The following PIP5KL1 variants were observed in gnomAD, a reference collection of about 807,000 sequenced individuals.
The protein encoded by PIP5KL1 is phosphatidylinositol 4-phosphate 5-kinase-like protein 1.
Under a neutral mutation model 47.6 loss-of-function variants are expected in PIP5KL1, and 45 were observed. The observed-to-expected ratio is 0.94, with a 90% CI of 0.74 to 1.21. The LOEUF is 1.21. Ranked by LOEUF, PIP5KL1 falls within the 50% of genes most tolerant of loss-of-function variation. PIP5KL1 has a pLI of 0.00. For missense variants in PIP5KL1, 577 were observed against 547.6 expected (o/e 1.05, Z -0.54); for synonymous variants, 256 against 234.6 (o/e 1.09, Z -0.84).
In PIP5KL1 at chr9:127,921,714, C is replaced by T. The variant is rs2131632681; in HGVS notation, c.*133G>A. ...ACCGTCAAACGGGACTGCGCGGTTA[C>T]GGTATTAGTTAGGGGATGCTGCCCT... On this transcript the variant is annotated 3_prime_UTR_variant, in exon 10 of 10. Transcript: ENST00000388747. The T allele has an allele frequency of 2.4e-6, 3 of 1,256,288 alleles. No individual in the cohort carries two copies. The highest frequency in any genetic ancestry group is 2.1e-6 in the Non-Finnish European group (2 of 935,100). 77.8% of individuals were successfully genotyped at this position (1,256,288 alleles called of 1,614,324 possible). A position where few individuals can be genotyped will look rare whatever the true frequency, so the allele number is the denominator to read the frequency against.
rs199964448 is a variant in PIP5KL1 at position 127,925,919 on chromosome 9, G to T, written c.711C>A (p.Pro237=). 1.9e-6 allele frequency: 3 copies of T among 1,614,010 alleles called. No homozygotes were observed. The African/African-American group carries it at 4.0e-5, about 22-fold the overall frequency. Residue 237 remains proline, a synonymous_variant, in exon 8 of 10, where the codon CCC becomes CCA. Transcript: ENST00000388747. ...TGAGGTCCTTCAGCACCAGAACAAG[G>T]GGGCTGCCCTCAGGGGCGGGATCCA... ...RWVDPAPEGS[P]LVLVLKDLNF...
chr9:127,926,048 A>G, intron 7 of PIP5KL1, 69 bp from the exon 8 acceptor site: 1 of 1,113,832 alleles, frequency 9.0e-7, no homozygotes, highest in Non-Finnish European at 1.3e-6. Flanking sequence ...AAGAGCTTCC[A>G]GTGACTACTT....
At position 127,925,920 on chromosome 9, in the gene PIP5KL1, G is replaced by A. The variant is rs760763860; in HGVS notation, c.710C>T (p.Pro237Leu). 1.9e-6 allele frequency: 3 copies of A among 1,614,108 alleles called. No homozygotes were observed. The highest frequency in any genetic ancestry group is 2.5e-6 in the Non-Finnish European group (3 of 1,180,020). Reference sequence around the variant, plus strand: ...GAGGTCCTTCAGCACCAGAACAAGGGGGCTGCCCTCAGGGGCGGGATCCAC... The same window carrying A: ...GAGGTCCTTCAGCACCAGAACAAGGAGGCTGCCCTCAGGGGCGGGATCCAC... The part of the protein sequence containing the change: ...RWVDPAPEGS[P>L]LVLVLKDLNF... Residue 237 changes from proline (P) to leucine (L), a missense_variant, in exon 8 of 10, where the codon CCC (proline) becomes CTC (leucine). Transcript: ENST00000388747.
At position 127,928,121 on chromosome 9, in the gene PIP5KL1, G is replaced by A. The variant is rs1449829725; in HGVS notation, c.378C>T (p.Gly126=). The A allele has an allele frequency of 1.3e-6, 2 of 1,563,068 alleles. No individual in the cohort carries two copies. Among genetic ancestry groups the A allele is most frequent in the East Asian group, 2.3e-5 (1 of 42,726 alleles). ...TGCTGAGGAACTGCAGGTAGGGGCC[G>A]CCGGGGCCCAGGGCAGCCTGATAGT... ...EEDYQAALGP[G]GPYLQFLSTS... is the part of the protein sequence containing the mutation. The change falls in exon 4 of 10, where the codon GGC becomes GGT. Residue 126 remains glycine, a synonymous_variant. Coordinates refer to ENST00000388747, the MANE Select transcript of PIP5KL1 (RefSeq NM_001135219.2).
At position 127,921,739 on chromosome 9, in the gene PIP5KL1, T is replaced by C. The variant is rs891454518; in HGVS notation, c.*108A>G. On this transcript the variant is annotated 3_prime_UTR_variant, in exon 10 of 10. Coordinates refer to ENST00000388747, the MANE Select transcript of PIP5KL1 (RefSeq NM_001135219.2). ...CGGTATTAGTTAGGGGATGCTGCCC[T>C]CTGGCGACCATCAGGAGGAAGCGCA... 2 of 1,405,766 alleles carry C rather than the reference T, an allele frequency of 1.4e-6. No individual in the cohort carries two copies. Among genetic ancestry groups the C allele is most frequent in the Non-Finnish European group, 1.9e-6 (2 of 1,061,538 alleles). The allele number at this position is 1,405,766 out of a possible 1,614,324, so 87.1% of individuals were successfully genotyped here.
intron 9 of PIP5KL1, among the ~76,000 whole-genome samples, chr9:127,924,873 T>TAC (rs141619984): frequency 3.1e-4 from 47 of 150,980 alleles, no homozygotes; most frequent in African/African-American, 8.3e-4. Context: ...CCCTCCCCTC[T>TAC]ACACACACAC....
chr9:127,922,207 C>T lies in PIP5KL1; in HGVS notation c.918-93G>A, dbSNP rs1831293346. The stretch of plus-strand genomic sequence containing the variant: ...CCTGGCCAGGCTGCCCACCCCTCCA[C>T]CAGCTCATTCCCACACCTCCTGTGT... On this transcript the variant is annotated intron_variant, in intron 9 of 9. Transcript: ENST00000388747. The T allele has an allele frequency of 3.6e-6, 5 of 1,387,050 alleles. No individual in the cohort carries two copies. In the South Asian group the frequency reaches 4.5e-5, roughly 13 times the overall value. The allele number at this position is 1,387,050 out of a possible 1,614,324, so 85.9% of individuals were successfully genotyped here.
At chr9:127,923,103 G>T (rs1831312404) in intron 9 of PIP5KL1, among the ~76,000 whole-genome samples, 1 of 152,242 alleles carries the variant, frequency 6.6e-6, no homozygotes, top group Non-Finnish European at 1.5e-5. Context: ...CAGATGGTGT[G>T]TCTATGGTTT....
chr9:127,930,219 G>A (rs1037146793), intron 1 of PIP5KL1, among the ~76,000 whole-genome samples: 3 of 152,202 alleles, frequency 2.0e-5, no homozygotes, highest in African/African-American at 7.2e-5. Context: ...CATCTGCAAC[G>A]TGAAAACTAG....
At chr9:127,925,406 G>T in intron 8 of PIP5KL1, 146 bp from the exon 9 acceptor site, 1 of 890,112 alleles carries the variant, frequency 1.1e-6, no homozygotes, top group Non-Finnish European at 1.7e-6. Context: ...TGGTCACTTA[G>T]CTAGGAAGTC....
Position 127,930,755 on chromosome 9 carries a change from C to G in PIP5KL1, c.-3G>C, listed in dbSNP as rs755637971. The G allele has an allele frequency of 2.0e-5, 31 of 1,550,634 alleles. No individual in the cohort carries two copies. The highest frequency in any genetic ancestry group is 2.4e-5 in the Non-Finnish European group (28 of 1,152,510). On this transcript the variant is annotated 5_prime_UTR_variant, in exon 1 of 10. Transcript: ENST00000388747. ...GGCCCCGGGCTCGGCGCAGCCATCGCCCCCGCAGCAGCTTCCCGGGCTTTG... is the reference window on the plus strand; with the variant it reads ...GGCCCCGGGCTCGGCGCAGCCATCGGCCCCGCAGCAGCTTCCCGGGCTTTG...
In PIP5KL1 at chr9:127,928,230, G is replaced by A; in HGVS notation, c.280-11C>T. The stretch of plus-strand genomic sequence containing the variant: ...GCCCAGCTCGAAGCCCTGCAGGGGA[G>A]GAAGAGCCTCCTCTGGAGTGTCTGC... On this transcript the variant is annotated splice_polypyrimidine_tract_variant and intron_variant, in intron 3 of 9. Transcript: ENST00000388747. 2 of 1,532,284 alleles carry A rather than the reference G, an allele frequency of 1.3e-6. No individual in the cohort carries two copies. Among genetic ancestry groups the A allele is most frequent in the Non-Finnish European group, 1.8e-6 (2 of 1,139,940 alleles). The allele number at this position is 1,532,284 out of a possible 1,614,324, so 94.9% of individuals were successfully genotyped here. A position where few individuals can be genotyped will look rare whatever the true frequency, so the allele number is the denominator to read the frequency against.
chr9:127,928,696 G>A (rs1043796250), intron 2 of PIP5KL1: 4 of 596,044 alleles, frequency 6.7e-6, no homozygotes, highest in Non-Finnish European at 1.2e-5. Context: ...CCCACGGCAA[G>A]GCCTGAGTGT....
At chr9:127,923,735 C>G (rs1474037440) in intron 9 of PIP5KL1, among the ~76,000 whole-genome samples, 1 of 152,222 alleles carries the variant, frequency 6.6e-6, no homozygotes, top group African/African-American at 2.4e-5. Flanking sequence ...TCTTTCACTC[C>G]CCTTGTCCAC....
chr9:127,928,915 A>T (rs931936849), intron 2 of PIP5KL1: 1 of 197,426 alleles, frequency 5.1e-6, no homozygotes, highest in African/African-American at 2.4e-5. Flanking sequence ...TCTAAAGGGT[A>T]GTGGAGAGGA....
chr9:127,927,652 C>T lies in PIP5KL1; in HGVS notation c.555G>A (p.Leu185=), dbSNP rs1291893161. ...GCCCCGCCCCCAGCCAAGTACCCAG[C>T]AACCGCGCCAGCAGCGAGTGCGGGT... The part of the protein sequence containing the change: ...QRHPHSLLAR[L]LGVHSLRVDR... Residue 185 remains leucine, a synonymous_variant, in exon 5 of 10, where the codon TTG becomes TTA. Coordinates refer to ENST00000388747, the MANE Select transcript of PIP5KL1 (RefSeq NM_001135219.2). This position sits in a 1 kb window ranked among gnomAD's most constrained non-coding sequence, Gnocchi z 5.5. 6.5e-7 allele frequency: 1 copy of T among 1,536,212 alleles called. No homozygotes were observed. Among genetic ancestry groups the T allele is most frequent in the Admixed American group, 2.0e-5 (1 of 50,540 alleles).
chr9:127,927,979 AG>A lies in PIP5KL1; in HGVS notation c.434+85del, dbSNP rs1326305676. The A allele has an allele frequency of 6.9e-7, 1 of 1,453,774 alleles. No individual in the cohort carries two copies. Among genetic ancestry groups the A allele is most frequent in the Non-Finnish European group, 9.1e-7 (1 of 1,095,686 alleles). The allele number at this position is 1,453,774 out of a possible 1,614,324, so 90.1% of individuals were successfully genotyped here. A position where few individuals can be genotyped will look rare whatever the true frequency, so the allele number is the denominator to read the frequency against. ...TTAGGGCCGCTCTGTTTCTCTCTTCAGGGGGCCTTCCCCGCCACTGGGAATT... is the reference window on the plus strand; with the variant it reads ...TTAGGGCCGCTCTGTTTCTCTCTTCAGGGGCCTTCCCCGCCACTGGGAATT... On this transcript the variant is annotated intron_variant, in intron 4 of 9. Transcript: ENST00000388747. The surrounding 1 kb of genome is among the most constrained non-coding windows in gnomAD (Gnocchi z 5.5).
At position 127,921,671 on chromosome 9, in the gene PIP5KL1, G is replaced by A. The variant is rs912095795; in HGVS notation, c.*176C>T. The stretch of plus-strand genomic sequence containing the variant: ...GCTAAAGTAGGGGAGTCCTTGGCAC[G>A]ATGCTGGGCACGGCACCACCGTCAA... On this transcript the variant is annotated 3_prime_UTR_variant, in exon 10 of 10. Coordinates refer to ENST00000388747, the MANE Select transcript of PIP5KL1 (RefSeq NM_001135219.2). 6.1e-5 allele frequency: 53 copies of A among 866,818 alleles called. 1 individual carries two copies. Among genetic ancestry groups the A allele is most frequent in the Non-Finnish European group, 8.2e-5 (48 of 583,246 alleles). The allele number at this position is 866,818 out of a possible 1,614,324, so 53.7% of individuals were successfully genotyped here.
In PIP5KL1 at chr9:127,921,728, G is replaced by A; in HGVS notation, c.*119C>T. 3 of 1,351,910 alleles carry A rather than the reference G, an allele frequency of 2.2e-6. No individual in the cohort carries two copies. The highest frequency in any genetic ancestry group is 3.0e-6 in the Non-Finnish European group (3 of 1,016,624). 83.7% of individuals were successfully genotyped at this position (1,351,910 alleles called of 1,614,324 possible). A position where few individuals can be genotyped will look rare whatever the true frequency, so the allele number is the denominator to read the frequency against. ...CTGCGCGGTTACGGTATTAGTTAGGGGATGCTGCCCTCTGGCGACCATCAG... is the reference window on the plus strand; with the variant it reads ...CTGCGCGGTTACGGTATTAGTTAGGAGATGCTGCCCTCTGGCGACCATCAG... On this transcript the variant is annotated 3_prime_UTR_variant, in exon 10 of 10. Coordinates refer to ENST00000388747, the MANE Select transcript of PIP5KL1 (RefSeq NM_001135219.2).
Sources: gnomAD v4.1 joint callset for allele counts (sites outside exome capture counted in the v4.1 genomes callset) on GRCh38, gnomAD v4.1.1 for gene constraint, Gnocchi (gnomAD v3.1) non-coding constraint, MANE v1.5 for transcripts, NCBI Gene and HGNC (gene_info 2026-07-23, HGNC 2026-07-21) for gene names.